Variants in CDH13 observed in about 807,000 individuals in gnomAD.
The protein encoded by CDH13 is cadherin 13, also known as cadherin-13.
A neutral mutation model predicts 63.8 loss-of-function variants in CDH13; 24 were observed. The ratio of observed to expected loss-of-function variants is 0.38; its 90% CI spans 0.27 to 0.53. CDH13 has a LOEUF of 0.53. Ranked by LOEUF, CDH13 falls within the 20% of genes least tolerant of loss-of-function variation. CDH13 has a pLI of 0.85. For missense variants in CDH13, 1,049 were observed against 903.1 expected, an observed-to-expected ratio of 1.16 and a Z score of -2.07; for synonymous variants, 503 against 355.3, an observed-to-expected ratio of 1.42 and a Z score of -4.67.
chr16:82,848,804 G>A (rs1401147373), intron 1 of CDH13, among the ~76,000 whole-genome samples: 1 of 152,194 alleles, frequency 6.6e-6, no homozygotes, highest in Non-Finnish European at 1.5e-5. Flanking sequence ...AGGAGGAGTT[G>A]CATGTCTCTC....
intron 2 of CDH13, among the ~76,000 whole-genome samples, chr16:82,900,639 A>G (rs2041433083): frequency 6.6e-6 from 1 of 152,194 alleles, no homozygotes; most frequent in Admixed American, 6.5e-5. Flanking sequence ...AAGATGAGAG[A>G]GAGAAACAGA....
intron 2 of CDH13, among the ~76,000 whole-genome samples, chr16:82,955,067 C>A (rs116221336): frequency 1.3e-5 from 2 of 152,102 alleles, no homozygotes; most frequent in Non-Finnish European, 2.9e-5. Context: ...CACTTTGGGG[C>A]GATTTTGAAT....
intron 8 of CDH13, among the ~76,000 whole-genome samples, chr16:83,654,286 A>G (rs1410506760): frequency 6.6e-6 from 1 of 152,064 alleles, no homozygotes; most frequent in African/African-American, 2.4e-5. Flanking sequence ...TGATACATCT[A>G]TAAGCATGTC....
At chr16:82,715,646 G>A (rs779889831) in intron 1 of CDH13, among the ~76,000 whole-genome samples, 35 of 152,080 alleles carry the variant, frequency 2.3e-4, no homozygotes, top group East Asian at 7.7e-4. Context: ...CATCCCCACC[G>A]TCTGTGCCCT....
At chr16:82,995,300 A>G (rs1394311450) in intron 2 of CDH13, among the ~76,000 whole-genome samples, 1 of 152,202 alleles carries the variant, frequency 6.6e-6, no homozygotes, top group Non-Finnish European at 1.5e-5. Flanking sequence ...GCTAAAGACT[A>G]CTTTCTCCAG....
chr16:83,006,879 C>T (rs1913554832), intron 2 of CDH13, among the ~76,000 whole-genome samples: 1 of 148,680 alleles, frequency 6.7e-6, no homozygotes, highest in South Asian at 2.2e-4. Context: ...TTTCATTTTT[C>T]TTCAAAACAC....
intron 6 of CDH13, among the ~76,000 whole-genome samples, chr16:83,477,946 C>G (rs2073648612): frequency 6.6e-6 from 1 of 152,028 alleles, no homozygotes; most frequent in Non-Finnish European, 1.5e-5. Context: ...CTTTGGGAGG[C>G]CGAGTCGGGT....
intron 1 of CDH13, among the ~76,000 whole-genome samples, chr16:82,791,443 C>T (rs971082992): frequency 6.6e-6 from 1 of 152,280 alleles, no homozygotes; most frequent in South Asian, 2.1e-4. Context: ...CGACAATGAT[C>T]GGGATATAAA....
At chr16:82,744,264 G>A (rs998267077) in intron 1 of CDH13, among the ~76,000 whole-genome samples, 2 of 152,204 alleles carry the variant, frequency 1.3e-5, no homozygotes, top group African/African-American at 2.4e-5. Flanking sequence ...ATTGTTAAAT[G>A]AGTAATTAGA....
At chr16:83,183,138 C>T (rs952151844) in intron 4 of CDH13, among the ~76,000 whole-genome samples, 5 of 152,000 alleles carry the variant, frequency 3.3e-5, no homozygotes, top group East Asian at 3.9e-4. Context: ...GGGAACTATT[C>T]GTCTTATTTG....
chr16:83,708,281 C>G (rs565175952), intron 10 of CDH13, among the ~76,000 whole-genome samples: 1 of 152,124 alleles, frequency 6.6e-6, no homozygotes, highest in East Asian at 1.9e-4. Flanking sequence ...GGACAGTCAA[C>G]CAGACGTGTG....
intron 4 of CDH13, among the ~76,000 whole-genome samples, chr16:83,207,692 C>A (rs899037830): frequency 6.7e-6 from 1 of 148,168 alleles, no homozygotes; most frequent in Non-Finnish European, 1.5e-5. Flanking sequence ...TTATTAGCCA[C>A]ATTAGTATAT....
At chr16:83,320,553 C>G (rs1349143823) in intron 5 of CDH13, among the ~76,000 whole-genome samples, 1 of 152,168 alleles carries the variant, frequency 6.6e-6, no homozygotes, top group African/African-American at 2.4e-5. Context: ...TGTTTATTAC[C>G]TATGAGAGTG....
intron 6 of CDH13, among the ~76,000 whole-genome samples, chr16:83,422,246 A>G (rs2071737441): frequency 6.6e-6 from 1 of 152,208 alleles, no homozygotes; most frequent in Non-Finnish European, 1.5e-5. Flanking sequence ...CGTTTTGAAG[A>G]TGTTGTATCA....
At chr16:82,843,193 A>C (rs2039106801) in intron 1 of CDH13, among the ~76,000 whole-genome samples, 1 of 152,224 alleles carries the variant, frequency 6.6e-6, no homozygotes, top group African/African-American at 2.4e-5. Flanking sequence ...GTGTTTCTTG[A>C]AGATAGGGAC....
chr16:83,086,974 A>T (rs191617866), intron 3 of CDH13, among the ~76,000 whole-genome samples: 2 of 152,302 alleles, frequency 1.3e-5, no homozygotes, highest in East Asian at 3.9e-4. Flanking sequence ...ATGCAAATAT[A>T]AAAAAAGACT....
rs747045728 is a variant in CDH13 at position 83,379,919 on chromosome 16, GTATA to G, written c.781+34930_781+34933del. 3.3e-3 allele frequency among the ~76,000 whole-genome samples: 423 copies of G among 126,430 alleles called. 1 individual carries two copies. The highest frequency in any genetic ancestry group is 0.013 in the African/African-American group (394 of 31,226). The allele number at this position is 126,430 out of a possible 152,430, so 82.9% of individuals were successfully genotyped here. ...ATATATGTATTATATATGTGTGTGT[GTATA>G]TATATATATATATATAGAGAGAGAG... On this transcript the variant is annotated intron_variant, in intron 6 of 13. Transcript: ENST00000567109.
intron 2 of CDH13, among the ~76,000 whole-genome samples, chr16:82,945,624 C>T (rs1041372304): frequency 2.6e-5 from 4 of 152,104 alleles, no homozygotes; most frequent in African/African-American, 9.7e-5. Context: ...GGGTGACACC[C>T]CTTCTCATTT....
At position 82,675,883 on chromosome 16, in the gene CDH13, T is replaced by C. The variant is rs569015622; in HGVS notation, c.45+48746T>C. On this transcript the variant is annotated intron_variant, in intron 1 of 13. Transcript: ENST00000567109. ...GTATTGCTCTTTCCGCGCTAAGCAG[T>C]TCTGAACCTAGACCATATCCTTGGG... Among the ~76,000 whole-genome samples the C allele has an allele frequency of 1.3e-3, 192 of 152,318 alleles. 1 individual carries two copies. Among genetic ancestry groups the C allele is most frequent in the South Asian group, 2.3e-3 (11 of 4,826 alleles).
Sources: allele counts gnomAD v4.1 joint callset (sites outside exome capture counted in the v4.1 genomes callset), GRCh38; gene constraint gnomAD v4.1.1; transcripts MANE v1.5; gene names NCBI Gene and HGNC (gene_info 2026-07-23, HGNC 2026-07-21).